The following TAF6L variants were observed in gnomAD, a reference collection of about 807,000 sequenced individuals.
TAF6L encodes the protein TATA-box binding protein associated factor 6 like.
TAF6L carries 34 observed loss-of-function variants against 57.3 expected under a neutral mutation model. The observed-to-expected ratio is 0.59, with a 90% CI of 0.45 to 0.79. TAF6L has a LOEUF of 0.79. Among genes scored for constraint, TAF6L ranks in the 30% least tolerant of loss-of-function variants. TAF6L has a pLI of 0.00. For missense variants in TAF6L, 782 were observed against 853.2 expected (o/e 0.92, Z 1.04); for synonymous variants, 417 against 376.3 (o/e 1.11, Z -1.25).
intron 6 of TAF6L, among the ~76,000 whole-genome samples, chr11:62,779,970 A>ATTTT (rs1263442687): frequency 1.1e-4 from 7 of 64,416 alleles, no homozygotes; most frequent in African/African-American, 3.2e-4. Context: ...ATATATATAT[A>ATTTT]TATATATTTT....
At chr11:62,772,184 A>AAGT in intron 1 of TAF6L, 1 of 455,928 alleles carries the variant, frequency 2.2e-6, no homozygotes, top group Non-Finnish European at 4.4e-6. Flanking sequence ...GAATATAGTG[A>AAGT]AGTAATCCAT....
chr11:62,784,429 CGA>C (rs1192639187), intron 9 of TAF6L, among the ~76,000 whole-genome samples: 3 of 151,612 alleles, frequency 2.0e-5, no homozygotes, highest in Middle Eastern at 3.2e-3. Flanking sequence ...CTCAGCCTCC[CGA>C]GAGTAGCTGG....
chr11:62,771,866 C>G, intron 1 of TAF6L: 2 of 305,480 alleles, frequency 6.5e-6, no homozygotes, highest in South Asian at 5.3e-5. Flanking sequence ...GGACTAAATG[C>G]TCCCATTTTA....
At chr11:62,786,231 G>A (rs2084273726) in intron 9 of TAF6L, 29 bp from the exon 10 acceptor site, 3 of 1,598,368 alleles carry the variant, frequency 1.9e-6, no homozygotes, top group East Asian at 2.3e-5. Context: ...TCAAAGACAT[G>A]CTAACTGTAT....
intron 6 of TAF6L, among the ~76,000 whole-genome samples, chr11:62,780,670 C>T (rs2134712830): frequency 6.6e-6 from 1 of 152,148 alleles, no homozygotes. Context: ...TGGTTCACGC[C>T]TGTAATCCCA....
In TAF6L at chr11:62,787,290, GCT is replaced by G. The variant is rs966484041; in HGVS notation, c.1866_1867del (p.Ter623SerfsTer9). 2 of 1,539,472 alleles carry G rather than the reference GCT, an allele frequency of 1.3e-6. No homozygotes were observed. The highest frequency in any genetic ancestry group is 1.7e-6 in the Non-Finnish European group (2 of 1,150,310). On this transcript the variant is annotated frameshift_variant, in exon 11 of 11. Coordinates refer to ENST00000294168, the MANE Select transcript of TAF6L (RefSeq NM_006473.4). LOFTEE classifies it high-confidence loss of function. ...ALSDYSLYLP[L>X] ...TCTCGGACTACTCGCTGTACTTGCC[GCT>G]CTGAGTCAGTGGCCCCTTCGTTCCT...
At chr11:62,772,421 G>A (rs1374074440) in intron 1 of TAF6L, among the ~76,000 whole-genome samples, 1 of 151,954 alleles carries the variant, frequency 6.6e-6, no homozygotes, top group Non-Finnish European at 1.5e-5. Context: ...TACTCGGGAG[G>A]CTGAGGCAGG....
intron 2 of TAF6L, 100 bp downstream of exon 2, chr11:62,776,030 T>A: frequency 7.1e-7 from 1 of 1,399,170 alleles, no homozygotes. Flanking sequence ...ACTGGGTGCC[T>A]GCTCCATACA....
Position 62,787,133 on chromosome 11 carries a change from C to G in TAF6L, c.1706C>G (p.Ala569Gly). Residue 569 changes from alanine (A) to glycine (G), a missense_variant, in exon 11 of 11, where the codon GCT becomes GGT. This residue lies in a region of TAF6L where 483 missense variants were observed against 445.1 expected (regional missense o/e 1.09). Transcript: ENST00000294168. ...CGTTTCATCATAGCCGGGCGGCAGG[C>G]TGGGAGGCGCTGCCGCGGGCGCCTT... ...HFRFIIAGRQ[A>G]GRRCRGRLFQ... 1 of 1,562,616 alleles carries G rather than the reference C, an allele frequency of 6.4e-7. No individual in the cohort carries two copies.
In TAF6L at chr11:62,786,295, C is replaced by G. The variant is rs1323529843; in HGVS notation, c.996C>G (p.Thr332=). The change falls in exon 10 of 11, where the codon ACC becomes ACG. Residue 332 remains threonine, a synonymous_variant. Transcript: ENST00000294168. ...VERVLYPHLS[T]YWTNLQAVLD... ...GAGTCCTGTACCCACACCTGTCCAC[C>G]TACTGGACAAACTTGCAGGCTGTGC... 1 of 1,614,022 alleles carries G rather than the reference C, an allele frequency of 6.2e-7. No homozygotes were observed. The highest frequency in any genetic ancestry group is 8.5e-7 in the Non-Finnish European group (1 of 1,180,006).
intron 6 of TAF6L, among the ~76,000 whole-genome samples, chr11:62,781,245 A>G (rs200760044): frequency 4.6e-5 from 7 of 150,964 alleles, no homozygotes; most frequent in South Asian, 2.1e-4. Context: ...CAAAGAAAAA[A>G]AAAAAAGAAA....
At chr11:62,773,672 T>G (rs1203681765) in intron 1 of TAF6L, among the ~76,000 whole-genome samples, 3 of 152,076 alleles carry the variant, frequency 2.0e-5, no homozygotes, top group African/African-American at 7.2e-5. Context: ...GGTCTTGAAC[T>G]CCTGACCTCA....
At chr11:62,784,376 C>T (rs1179224082) in intron 9 of TAF6L, among the ~76,000 whole-genome samples, 3 of 149,188 alleles carry the variant, frequency 2.0e-5, no homozygotes, top group Non-Finnish European at 3.0e-5. Flanking sequence ...GCCATCTTGG[C>T]TAACTGCAAC....
chr11:62,774,554 T>A (rs1043863429), intron 1 of TAF6L: 1 of 454,352 alleles, frequency 2.2e-6, no homozygotes, highest in Non-Finnish European at 4.4e-6. Flanking sequence ...GGCCTTCCTG[T>A]CTGAGGTGTG....
intron 1 of TAF6L, chr11:62,774,457 G>T: frequency 2.5e-6 from 1 of 399,084 alleles, no homozygotes; most frequent in Non-Finnish European, 5.1e-6. Context: ...TCCATTGGAT[G>T]TAGGGACCTG....
At chr11:62,778,991 C>G in intron 6 of TAF6L, 28 bp downstream of exon 6, 1 of 1,181,632 alleles carries the variant, frequency 8.5e-7, no homozygotes, top group Non-Finnish European at 1.3e-6. Flanking sequence ...AGTTGGGGCA[C>G]AAAGTTGAAA....
chr11:62,776,174 C>T (rs1418794340), intron 2 of TAF6L, among the ~76,000 whole-genome samples: 1 of 152,198 alleles, frequency 6.6e-6, no homozygotes, highest in African/African-American at 2.4e-5. Flanking sequence ...GGTAGATACT[C>T]ACATTCTGCA....
At position 62,782,676 on chromosome 11, in the gene TAF6L, G is replaced by GA; in HGVS notation, c.828-15dup. 1.2e-6 allele frequency: 2 copies of GA among 1,610,394 alleles called. No individual in the cohort carries two copies. The highest frequency in any genetic ancestry group is 1.3e-5 in the African/African-American group (1 of 74,924). Reference sequence around the variant, plus strand: ...CCATGCCTCATTCCCCTCCCTAACTGAATGGTGCTCCCACAGGACTCATGG... The same window carrying GA: ...CCATGCCTCATTCCCCTCCCTAACTGAAATGGTGCTCCCACAGGACTCATGG... On this transcript the variant is annotated splice_polypyrimidine_tract_variant and intron_variant, in intron 8 of 10. Transcript: ENST00000294168.
Position 62,778,288 on chromosome 11 carries a change from A to G in TAF6L, c.389A>G (p.His130Arg), listed in dbSNP as rs555170800. 3 of 1,614,172 alleles carry G rather than the reference A, an allele frequency of 1.9e-6. No individual in the cohort carries two copies. The highest frequency in any genetic ancestry group is 2.2e-5 in the East Asian group (1 of 44,890). ...KGCAETAVRV[H>R]VSYLDGKGNL... The stretch of plus-strand genomic sequence containing the variant: ...CATCTCTCTGCACTGCTTCTAGTTC[A>G]TGTCTCCTACCTGGATGGCAAAGGG... Residue 130 changes from histidine (H) to arginine (R), a missense_variant, in exon 5 of 11, where the codon CAT becomes CGT. Physicochemically the swap from His to Arg is conservative, Grantham distance 29 (BLOSUM62 0). This residue lies in a region of TAF6L where 220 missense variants were observed against 252.1 expected (regional missense o/e 0.87). Coordinates refer to ENST00000294168, the MANE Select transcript of TAF6L (RefSeq NM_006473.4).
Sources: allele counts gnomAD v4.1 joint callset (sites outside exome capture counted in the v4.1 genomes callset), GRCh38; gene constraint gnomAD v4.1.1; regional missense constraint gnomAD v4.1.1; transcripts MANE v1.5; gene names NCBI Gene and HGNC (gene_info 2026-07-23, HGNC 2026-07-21).